Variants in CNTRL observed in about 807,000 individuals in gnomAD.
The protein encoded by CNTRL is 110 kDa centrosomal protein.
A neutral mutation model predicts 303.7 loss-of-function variants in CNTRL; 233 were observed. The observed-to-expected ratio is 0.77, with a 90% CI of 0.69 to 0.86. The LOEUF is 0.86. CNTRL is among the 40% of genes least tolerant of loss of function. The pLI is 0.00. For missense variants in CNTRL, 2,524 were observed against 2,650.6 expected (o/e 0.95, Z 1.05); for synonymous variants, 900 against 922.2 (o/e 0.98, Z 0.44).
At chr9:121,156,620 T>C (rs1248737222) in intron 27 of CNTRL, among the ~76,000 whole-genome samples, 1 of 152,194 alleles carries the variant, frequency 6.6e-6, no homozygotes, top group East Asian at 1.9e-4. Flanking sequence ...TTTAGTACAA[T>C]GGCAGACTTC....
chr9:121,142,837 A>G (rs1564265768), intron 19 of CNTRL, among the ~76,000 whole-genome samples: 1 of 151,212 alleles, frequency 6.6e-6, no homozygotes, highest in African/African-American at 2.4e-5. Flanking sequence ...CCTCACCCCC[A>G]CCTTTGCTAT....
intron 34 of CNTRL, among the ~76,000 whole-genome samples, chr9:121,163,159 G>T (rs2052928257): frequency 7.0e-6 from 1 of 142,374 alleles, no homozygotes; most frequent in Non-Finnish European, 1.5e-5. Flanking sequence ...AGGCAACATA[G>T]AAAGACCCTG....
chr9:121,125,291 G>C (rs778670971), intron 13 of CNTRL, among the ~76,000 whole-genome samples: 41 of 151,232 alleles, frequency 2.7e-4, no homozygotes, highest in Non-Finnish European at 5.0e-4. Flanking sequence ...CCTCAGCCTC[G>C]TGAGTAGCAG....
chr9:121,161,256 CT>C (rs769001193), intron 32 of CNTRL: 40 of 442,046 alleles, frequency 9.0e-5, no homozygotes, highest in Non-Finnish European at 1.4e-4. Context: ...ATTTTTTTCT[CT>C]TATGCTTTTT....
At chr9:121,076,385 G>A (rs1313999332) in intron 1 of CNTRL, among the ~76,000 whole-genome samples, 1 of 152,160 alleles carries the variant, frequency 6.6e-6, no homozygotes. Flanking sequence ...GATGGAGAAG[G>A]ATACGGGGGC....
At chr9:121,160,930 G>C (rs2052815480) in intron 32 of CNTRL, among the ~76,000 whole-genome samples, 1 of 152,188 alleles carries the variant, frequency 6.6e-6, no homozygotes, top group South Asian at 2.1e-4. Flanking sequence ...AGTGAGCTAT[G>C]ATTATGCCAC....
chr9:121,099,500 C>T (rs1369012639), intron 7 of CNTRL, among the ~76,000 whole-genome samples: 1 of 152,214 alleles, frequency 6.6e-6, no homozygotes, highest in Non-Finnish European at 1.5e-5. Flanking sequence ...CGCCTGTTCT[C>T]CTCCAAAGGA....
intron 34 of CNTRL, 134 bp from the exon 35 acceptor site, chr9:121,164,807 TGA>T (rs957331935): frequency 3.8e-5 from 21 of 555,364 alleles, no homozygotes; most frequent in African/African-American, 1.2e-4. Context: ...GAAAATGAGT[TGA>T]GTCTTAAATT....
intron 39 of CNTRL, among the ~76,000 whole-genome samples, chr9:121,170,304 C>T (rs764670604): frequency 7.2e-5 from 11 of 151,764 alleles, no homozygotes; most frequent in Admixed American, 1.3e-4. Flanking sequence ...CCACCACGCC[C>T]GACTAATTTT....
At position 121,134,698 on chromosome 9, in the gene CNTRL, A is replaced by G. The variant is rs145146005; in HGVS notation, c.2026-1108A>G. Among the ~76,000 whole-genome samples the G allele has an allele frequency of 2.2e-4, 33 of 152,320 alleles. No homozygotes were observed. In the East Asian group the frequency reaches 6.4e-3, roughly 29 times the overall value. ...TGTGAAATCCAGGCTGGTATTCTGT[A>G]GATTGAACCACGTTCTGGGTTTGAC... On this transcript the variant is annotated intron_variant, in intron 14 of 43. Coordinates refer to ENST00000373855, the MANE Select transcript of CNTRL (RefSeq NM_007018.6).
chr9:121,160,034 T>A (rs1019494862), intron 31 of CNTRL, 109 bp from the exon 32 acceptor site: 8 of 839,672 alleles, frequency 9.5e-6, no homozygotes, highest in Non-Finnish European at 1.3e-5. Context: ...ATGAGCTTGT[T>A]TCCAAATTAG....
intron 12 of CNTRL, among the ~76,000 whole-genome samples, chr9:121,119,303 C>A (rs2050121837): frequency 6.8e-6 from 1 of 147,028 alleles, no homozygotes; most frequent in Non-Finnish European, 1.5e-5. Flanking sequence ...TTCTTTCTCT[C>A]TCTCTCTCTC....
At position 121,173,324 on chromosome 9, in the gene CNTRL, G is replaced by A; in HGVS notation, c.6499G>A (p.Glu2167Lys). 6.2e-7 allele frequency: 1 copy of A among 1,614,084 alleles called. No homozygotes were observed. The highest frequency in any genetic ancestry group is 8.5e-7 in the Non-Finnish European group (1 of 1,179,950). ...GACACTTAAATCTGAGGTGAAGGAT[G>A]AAATCAGAACCAGCTTGAAGAATCT... The part of the protein sequence containing the change: ...MRTLKSEVKD[E>K]IRTSLKNLNQ... The change falls in exon 41 of 44, where the codon GAA (glutamate) becomes AAA (lysine). Residue 2167 changes from glutamate (E) to lysine (K), a missense_variant. By Grantham distance (56) the Glu-to-Lys change is moderately conservative. Coordinates refer to ENST00000373855, the MANE Select transcript of CNTRL (RefSeq NM_007018.6).
intron 39 of CNTRL, chr9:121,171,146 T>A (rs76968448): frequency 0.042 from 21,156 of 509,220 alleles, 1,260 homozygotes; most frequent in East Asian, 0.2. Flanking sequence ...GTATTATTAT[T>A]CTCATTTTAC....
intron 23 of CNTRL, among the ~76,000 whole-genome samples, chr9:121,148,381 A>T (rs2052006069): frequency 6.6e-6 from 1 of 152,272 alleles, no homozygotes; most frequent in South Asian, 2.1e-4. Flanking sequence ...TTCACAGACC[A>T]GTCTGATGTG....
intron 35 of CNTRL, among the ~76,000 whole-genome samples, 189 bp from the exon 36 acceptor site, chr9:121,165,918 T>A (rs984792306): frequency 6.6e-6 from 1 of 152,236 alleles, no homozygotes; most frequent in Non-Finnish European, 1.5e-5. Flanking sequence ...TTTAAAAACC[T>A]GAGCTCCAAG....
At chr9:121,105,517 A>G (rs1231866030) in intron 7 of CNTRL, among the ~76,000 whole-genome samples, 1 of 152,232 alleles carries the variant, frequency 6.6e-6, no homozygotes, top group African/African-American at 2.4e-5. Context: ...TACAAATTTT[A>G]TGCTCAGTCA....
At position 121,158,072 on chromosome 9, in the gene CNTRL, A is replaced by G. The variant is rs759066290; in HGVS notation, c.4727A>G (p.Gln1576Arg). Residue 1576 changes from glutamine (Q) to arginine (R), a missense_variant, in exon 30 of 44, where the codon CAG (glutamine) becomes CGG (arginine). Transcript: ENST00000373855. ...QVLKESEVLL[Q>R]AKRAELEKLK... Reference sequence around the variant, plus strand: ...CTTAAAGAATCTGAGGTGCTTCTTCAGGCCAAAAGAGCCGAGCTGGAAAAG... The same window carrying G: ...CTTAAAGAATCTGAGGTGCTTCTTCGGGCCAAAAGAGCCGAGCTGGAAAAG... The G allele has an allele frequency of 6.2e-7, 1 of 1,614,206 alleles. No homozygotes were observed. Among genetic ancestry groups the G allele is most frequent in the South Asian group, 1.1e-5 (1 of 91,088 alleles).
In CNTRL at chr9:121,145,383, G is replaced by C. The variant is rs912169189; in HGVS notation, c.3308G>C (p.Ser1103Thr). The C allele has an allele frequency of 2.5e-6, 4 of 1,600,906 alleles. No homozygotes were observed. Among genetic ancestry groups the C allele is most frequent in the Non-Finnish European group, 3.4e-6 (4 of 1,176,482 alleles). The stretch of plus-strand genomic sequence containing the variant: ...CAGAATGTACTAGACCTCACTGGAA[G>C]TGGTAAAGTATTGGGCTTTGATTTT... Reference protein sequence around the residue: ...RLQNVLDLTGSDNKGGFENVL... With the variant: ...RLQNVLDLTGTDNKGGFENVL... The change falls in exon 22 of 44, where the codon AGT (serine) becomes ACT (threonine). Residue 1103 changes from serine to threonine, a missense_variant and splice_region_variant. Physicochemically the swap from Ser to Thr is moderately conservative, Grantham distance 58 (BLOSUM62 1). Coordinates refer to ENST00000373855, the MANE Select transcript of CNTRL (RefSeq NM_007018.6).
Sources: gnomAD v4.1 joint callset for allele counts (sites outside exome capture counted in the v4.1 genomes callset) on GRCh38, gnomAD v4.1.1 for gene constraint, MANE v1.5 for transcripts, NCBI Gene and HGNC (gene_info 2026-07-23, HGNC 2026-07-21) for gene names.